Variants in CRADD observed in about 807,000 individuals in gnomAD.
The protein encoded by CRADD is death domain-containing protein CRADD.
In CRADD, 9 loss-of-function variants were observed where a neutral mutation model predicts 15.5. That is an observed-to-expected ratio of 0.58 (90% CI 0.35 to 1.01). The LOEUF (loss-of-function observed/expected upper bound fraction) is 1.01. Among genes scored for constraint, CRADD ranks in the 50% least tolerant of loss-of-function variants. The pLI is 0.02. For synonymous variants in CRADD, 118 were observed against 107.6 expected (o/e 1.10, Z -0.60); for missense variants, 227 against 250.3 (o/e 0.91, Z 0.63).
At chr12:93,691,508 C>T (rs958668673) in intron 2 of CRADD, among the ~76,000 whole-genome samples, 1 of 152,148 alleles carries the variant, frequency 6.6e-6, no homozygotes, top group Non-Finnish European at 1.5e-5. Context: ...CCCGCCTTGG[C>T]CTCCCAAAGT....
downstream of CRADD, among the ~76,000 whole-genome samples, chr12:93,851,051 G>A (rs1958215315): frequency 6.6e-6 from 1 of 152,222 alleles, no homozygotes; most frequent in Non-Finnish European, 1.5e-5. Context: ...TAAGTCAGGG[G>A]ACGAGAGGGG....
At chr12:93,679,663 T>C (rs766322166) in intron 2 of CRADD, among the ~76,000 whole-genome samples, 6 of 152,182 alleles carry the variant, frequency 3.9e-5, no homozygotes, top group Non-Finnish European at 7.3e-5. Context: ...AAACCTGGCA[T>C]GTCACTTGGG....
intron 2 of CRADD, among the ~76,000 whole-genome samples, chr12:93,779,478 TAG>T (rs1957176050): frequency 6.6e-6 from 1 of 150,972 alleles, no homozygotes; most frequent in Admixed American, 6.6e-5. Context: ...TTTCAACATA[TAG>T]AGACTTGAAA....
intron 2 of CRADD, among the ~76,000 whole-genome samples, chr12:93,785,396 C>G (rs1957266970): frequency 6.6e-6 from 1 of 152,132 alleles, no homozygotes; most frequent in Admixed American, 6.5e-5. Flanking sequence ...GAGTCACCCA[C>G]TGGTATGTGT....
At chr12:93,739,864 GC>G (rs1364823612) in intron 2 of CRADD, among the ~76,000 whole-genome samples, 17 of 152,052 alleles carry the variant, frequency 1.1e-4, no homozygotes, top group African/African-American at 3.1e-4. Flanking sequence ...TCACAATTCT[GC>G]TTTTGATTTA....
At chr12:93,722,885 T>C (rs1266401341) in intron 2 of CRADD, among the ~76,000 whole-genome samples, 1 of 152,192 alleles carries the variant, frequency 6.6e-6, no homozygotes, top group African/African-American at 2.4e-5. Context: ...AATTTTTTCT[T>C]GATAGCTGGG....
intron 2 of CRADD, among the ~76,000 whole-genome samples, chr12:93,842,430 T>C (rs1958060162): frequency 6.6e-6 from 1 of 152,132 alleles, no homozygotes; most frequent in South Asian, 2.1e-4. Flanking sequence ...AGTCGGGAAC[T>C]TGACTTGGAG....
At chr12:93,792,034 TTAAGAA>T (rs1957355568) in intron 2 of CRADD, among the ~76,000 whole-genome samples, 3 of 152,094 alleles carry the variant, frequency 2.0e-5, no homozygotes, top group Non-Finnish European at 4.4e-5. Context: ...GATAAGAACT[TTAAGAA>T]TAGGAATACT....
chr12:93,679,395 G>A (rs1475495215), intron 2 of CRADD, among the ~76,000 whole-genome samples: 5 of 152,096 alleles, frequency 3.3e-5, no homozygotes, highest in South Asian at 2.1e-4. Flanking sequence ...ACCCACCTCC[G>A]CCTCCCAAAG....
At chr12:93,689,285 G>A (rs926521364) in intron 2 of CRADD, among the ~76,000 whole-genome samples, 2 of 152,104 alleles carry the variant, frequency 1.3e-5, no homozygotes, top group Non-Finnish European at 2.9e-5. Context: ...GCAAGGTAGT[G>A]TTCTCTTTTT....
At chr12:93,886,162 CTT>C (rs761719331) in intron 2 of CRADD, among the ~76,000 whole-genome samples, 11 of 123,938 alleles carry the variant, frequency 8.9e-5, no homozygotes, top group African/African-American at 1.8e-4. Flanking sequence ...GCTGCTGATG[CTT>C]TTTTTTTTTT....
chr12:93,757,178 G>A lies in CRADD; in HGVS notation c.298+78106G>A, dbSNP rs547777750. On this transcript the variant is annotated intron_variant, in intron 2 of 2. Transcript: ENST00000332896. The stretch of plus-strand genomic sequence containing the variant: ...TTTTCGTATTATCTCAAGATCATTT[G>A]GGAAACATTGTGCTGTTATATAGTA... Among the ~76,000 whole-genome samples the A allele has an allele frequency of 5.9e-5, 9 of 152,258 alleles. No homozygotes were observed. In the South Asian group the frequency reaches 1.9e-3, roughly 32 times the overall value.
chr12:93,756,149 T>C (rs527670258), intron 2 of CRADD, among the ~76,000 whole-genome samples: 2 of 152,212 alleles, frequency 1.3e-5, no homozygotes, highest in Non-Finnish European at 1.5e-5. Context: ...ACTAAAAAAT[T>C]TATTTATGTT....
intron 2 of CRADD, among the ~76,000 whole-genome samples, chr12:93,790,489 A>G (rs1406048321): frequency 8.5e-6 from 1 of 117,546 alleles, no homozygotes; most frequent in Non-Finnish European, 1.8e-5. Flanking sequence ...AAGAAACTCA[A>G]CTAAAGCATG....
intron 2 of CRADD, among the ~76,000 whole-genome samples, chr12:93,860,219 AC>A (rs1958308849): frequency 6.6e-6 from 1 of 152,200 alleles, no homozygotes; most frequent in Non-Finnish European, 1.5e-5. Flanking sequence ...AATAAGAGGT[AC>A]TTAAGCTAAC....
chr12:93,805,377 T>C (rs1225232785), intron 2 of CRADD, among the ~76,000 whole-genome samples: 2 of 152,066 alleles, frequency 1.3e-5, no homozygotes, highest in African/African-American at 4.8e-5. Context: ...ATATACAGTC[T>C]AATTCATTTA....
At chr12:93,877,186 G>C (rs1389979143) in intron 2 of CRADD, among the ~76,000 whole-genome samples, 2 of 152,192 alleles carry the variant, frequency 1.3e-5, no homozygotes, top group Non-Finnish European at 2.9e-5. Flanking sequence ...CTTGTTCAGA[G>C]CCACCTAAAG....
chr12:93,801,969 T>C (rs954245328), intron 2 of CRADD, among the ~76,000 whole-genome samples: 14 of 152,362 alleles, frequency 9.2e-5, no homozygotes, highest in Middle Eastern at 3.4e-3. Context: ...CTTGAGTTAC[T>C]TCACTTAGAA....
intron 2 of CRADD, among the ~76,000 whole-genome samples, chr12:93,783,078 A>G (rs1957229833): frequency 6.6e-6 from 1 of 152,098 alleles, no homozygotes; most frequent in Non-Finnish European, 1.5e-5. Flanking sequence ...CAATTTGTAT[A>G]GCCTGGGGAG....
Sources: allele counts gnomAD v4.1 joint callset (sites outside exome capture counted in the v4.1 genomes callset), GRCh38; gene constraint gnomAD v4.1.1; transcripts MANE v1.5; gene names NCBI Gene and HGNC (gene_info 2026-07-23, HGNC 2026-07-21).